GAS7: variants seen among roughly 807,000 people sequenced by gnomAD.
The protein encoded by GAS7 is growth arrest specific 7.
In GAS7, 28 loss-of-function variants were observed where a neutral mutation model predicts 71.1. The observed-to-expected ratio is 0.39, with a 90% CI of 0.29 to 0.54. The LOEUF (loss-of-function observed/expected upper bound fraction) is 0.54, where lower values mean the gene tolerates loss of function less well. Ranked by LOEUF, GAS7 falls within the 20% of genes least tolerant of loss-of-function variation. The pLI, the probability that GAS7 is intolerant of heterozygous loss-of-function variation, is 0.62. For synonymous variants in GAS7, 258 were observed against 245.8 expected (o/e 1.05, Z -0.46); for missense variants, 436 against 627.8 (o/e 0.69, Z 3.27).
At chr17:10,070,008 C>T (rs1015180229) in intron 1 of GAS7, among the ~76,000 whole-genome samples, 1 of 152,142 alleles carries the variant, frequency 6.6e-6, no homozygotes, top group Non-Finnish European at 1.5e-5. Context: ...AAAAGGAATA[C>T]CCTTCTCTTG....
At chr17:9,965,793 C>G (rs779455169) in intron 4 of GAS7, among the ~76,000 whole-genome samples, 2 of 152,186 alleles carry the variant, frequency 1.3e-5, no homozygotes, top group South Asian at 2.1e-4. Context: ...AATTGAAACC[C>G]TCCACTGGGT....
chr17:10,153,019 C>A (rs1386331749), intron 1 of GAS7, among the ~76,000 whole-genome samples: 1 of 147,304 alleles, frequency 6.8e-6, no homozygotes, highest in Non-Finnish European at 1.5e-5. Context: ...ATGGTAAAAC[C>A]CCATCCCCAC....
chr17:10,068,325 A>G (rs1365414934), intron 1 of GAS7, among the ~76,000 whole-genome samples: 1 of 152,146 alleles, frequency 6.6e-6, no homozygotes, highest in Admixed American at 6.5e-5. Flanking sequence ...AGGATGACCC[A>G]CTGACCCAGA....
Position 9,917,215 on chromosome 17 carries a change from T to A in GAS7, c.*13A>T. 7.3e-6 allele frequency: 10 copies of A among 1,363,626 alleles called. No individual in the cohort carries two copies. Among genetic ancestry groups the A allele is most frequent in the Non-Finnish European group, 8.4e-6 (8 of 951,156 alleles). 84.5% of individuals were successfully genotyped at this position (1,363,626 alleles called of 1,614,324 possible). ...CCTCCCCAGCAGGACCCCCCGAAGC[T>A]GCACAGGCCCATCTAGATCTCCATG... On this transcript the variant is annotated 3_prime_UTR_variant, in exon 14 of 14. Transcript: ENST00000432992.
intron 1 of GAS7, among the ~76,000 whole-genome samples, chr17:10,148,265 C>T (rs1175743463): frequency 1.3e-5 from 2 of 152,044 alleles, no homozygotes; most frequent in Non-Finnish European, 2.9e-5. Flanking sequence ...TAACCTAGAC[C>T]TTTCTTCACC....
At chr17:9,943,775 G>C (rs1035900554) in intron 6 of GAS7, among the ~76,000 whole-genome samples, 1 of 152,174 alleles carries the variant, frequency 6.6e-6, no homozygotes, top group Non-Finnish European at 1.5e-5. Context: ...TGGGTTGAAG[G>C]GAGGCCGGAG....
chr17:9,921,040 A>T lies in GAS7; in HGVS notation c.1139-1335T>A, dbSNP rs372080204. ...GTGTGCCTTGAATAACAGAGCCCACACCAAGGCATTTATTCATTTTGTTCT... is the reference window on the plus strand; with the variant it reads ...GTGTGCCTTGAATAACAGAGCCCACTCCAAGGCATTTATTCATTTTGTTCT... On this transcript the variant is annotated intron_variant, in intron 11 of 13. Coordinates refer to ENST00000432992, the MANE Select transcript of GAS7 (RefSeq NM_201433.2). Among the ~76,000 whole-genome samples, 6 of 152,182 alleles carry T rather than the reference A, an allele frequency of 3.9e-5. No individual in the cohort carries two copies. The South Asian group carries it at 8.3e-4, about 21-fold the overall frequency.
At chr17:10,157,289 G>A (rs902223733) in intron 1 of GAS7, among the ~76,000 whole-genome samples, 22 of 151,914 alleles carry the variant, frequency 1.4e-4, no homozygotes, top group African/African-American at 4.9e-4. Flanking sequence ...AGCTGACGAG[G>A]GGAATAATTT....
In GAS7 at chr17:9,913,138, G is replaced by T; in HGVS notation, c.*4090C>A. 1 of 232,150 alleles carries T rather than the reference G, an allele frequency of 4.3e-6. No individual in the cohort carries two copies. The highest frequency in any genetic ancestry group is 6.1e-5 in the East Asian group (1 of 16,420). 14.4% of individuals were successfully genotyped at this position (232,150 alleles called of 1,614,324 possible). A position where few individuals can be genotyped will look rare whatever the true frequency, so the allele number is the denominator to read the frequency against. ...TAAATTTGTCAAAATTCACAGAGCTGTATATTTCCAAAGGGTGAATTTTAC... is the reference window on the plus strand; with the variant it reads ...TAAATTTGTCAAAATTCACAGAGCTTTATATTTCCAAAGGGTGAATTTTAC... On this transcript the variant is annotated 3_prime_UTR_variant, in exon 14 of 14. Coordinates refer to ENST00000432992, the MANE Select transcript of GAS7 (RefSeq NM_201433.2).
chr17:10,108,488 G>T lies in GAS7; in HGVS notation c.184-88591C>A, dbSNP rs570146239. ...CATGCACTGTGATTTTCTATTTAAT[G>T]CATGCCCCAGTGAGCATTTTCTTTG... On this transcript the variant is annotated intron_variant, in intron 1 of 13. Coordinates refer to ENST00000432992, the MANE Select transcript of GAS7 (RefSeq NM_201433.2). Among the ~76,000 whole-genome samples the T allele has an allele frequency of 2.6e-3, 400 of 152,298 alleles. 3 individuals carry two copies. The highest frequency in any genetic ancestry group is 0.01 in the Middle Eastern group (3 of 294).
chr17:9,990,289 G>T (rs916897316), intron 2 of GAS7, among the ~76,000 whole-genome samples: 5 of 152,032 alleles, frequency 3.3e-5, no homozygotes, highest in African/African-American at 4.8e-5. Flanking sequence ...GAAAAAAGAA[G>T]AAAGCTCGCC....
At chr17:10,044,280 G>A (rs773625169) in intron 1 of GAS7, among the ~76,000 whole-genome samples, 12 of 152,176 alleles carry the variant, frequency 7.9e-5, no homozygotes, top group Non-Finnish European at 1.3e-4. Flanking sequence ...CTGGAGTGAT[G>A]AACTGTTCAT....
At chr17:9,934,041 A>G (rs909083207) in intron 9 of GAS7, 125 bp downstream of exon 9, 9 of 715,980 alleles carry the variant, frequency 1.3e-5, no homozygotes, top group Non-Finnish European at 2.3e-5. Context: ...CCGTGACTTC[A>G]TGTTGATAGC....
chr17:10,106,396 C>A (rs548267800), intron 1 of GAS7, among the ~76,000 whole-genome samples: 1 of 152,346 alleles, frequency 6.6e-6, no homozygotes, highest in Non-Finnish European at 1.5e-5. Context: ...TGCAGGCACA[C>A]AGATAATCCC....
intron 1 of GAS7, chr17:10,036,634 C>A: frequency 1.4e-6 from 2 of 1,435,522 alleles, no homozygotes; most frequent in South Asian, 3.0e-5. Flanking sequence ...TGGCTTTGCT[C>A]ATTGCTGTTC....
chr17:10,119,368 T>C (rs770427647), intron 1 of GAS7, among the ~76,000 whole-genome samples: 13 of 152,232 alleles, frequency 8.5e-5, no homozygotes, highest in Non-Finnish European at 1.6e-4. Context: ...ACCGTGGGCC[T>C]GGCCCAGGCC....
rs192160037 is a variant in GAS7, at chr17:9,921,731, G to A, written c.1139-2026C>T. On this transcript the variant is annotated intron_variant, in intron 11 of 13. Transcript: ENST00000432992. ...TCCCAGCACTTTGGGAGGCCGAGGC[G>A]GGTGGATCACGAGGTCAGGACATCG... Among the ~76,000 whole-genome samples, 24 of 152,190 alleles carry A rather than the reference G, an allele frequency of 1.6e-4. 1 individual carries two copies. The East Asian group carries it at 3.1e-3, about 20-fold the overall frequency.
chr17:9,973,953 C>G (rs2070077933), intron 3 of GAS7, among the ~76,000 whole-genome samples: 1 of 152,148 alleles, frequency 6.6e-6, no homozygotes, highest in Non-Finnish European at 1.5e-5. Flanking sequence ...CCAAGGTTGT[C>G]CCAGCTCCTG....
chr17:10,198,572 C>CAG lies in GAS7; in HGVS notation c.-184_-183dup. 1 of 385,518 alleles carries CAG rather than the reference C, an allele frequency of 2.6e-6. No homozygotes were observed. The allele number at this position is 385,518 out of a possible 1,614,324, so 23.9% of individuals were successfully genotyped here. On this transcript the variant is annotated 5_prime_UTR_variant, in exon 1 of 14. Coordinates refer to ENST00000432992, the MANE Select transcript of GAS7 (RefSeq NM_201433.2). ...GGGACGCGCGCTCCGCGCCGGGAAG[C>CAG]AGAGACTCGTTGGCTTCGCAGAGCG... is the stretch of plus-strand genomic sequence containing the variant.
Sources: gnomAD v4.1 joint callset for allele counts (sites outside exome capture counted in the v4.1 genomes callset) on GRCh38, gnomAD v4.1.1 for gene constraint, MANE v1.5 for transcripts, NCBI Gene and HGNC (gene_info 2026-07-23, HGNC 2026-07-21) for gene names.